Variants in FMN1 observed in about 807,000 individuals in gnomAD.
The protein encoded by FMN1 is formin 1.
A neutral mutation model predicts 132.4 loss-of-function variants in FMN1; 110 were observed. The ratio of observed to expected loss-of-function variants is 0.83; its 90% CI spans 0.71 to 0.97. The LOEUF is 0.97. Among genes scored for constraint, FMN1 ranks in the 50% least tolerant of loss-of-function variants. The pLI, the probability that FMN1 is intolerant of heterozygous loss-of-function variation, is 0.00. For missense variants in FMN1, 1,792 were observed against 1,705.3 expected (o/e 1.05, Z -0.90); for synonymous variants, 722 against 651.7 (o/e 1.11, Z -1.64).
At chr15:32,922,805 A>C (rs1324738997) in intron 10 of FMN1, among the ~76,000 whole-genome samples, 1 of 152,204 alleles carries the variant, frequency 6.6e-6, no homozygotes, top group African/African-American at 2.4e-5. Flanking sequence ...GTTTTCCAAG[A>C]ATCACGTACT....
At chr15:33,012,535 G>C in intron 6 of FMN1, 1 of 1,522,476 alleles carries the variant, frequency 6.6e-7, no homozygotes, top group Non-Finnish European at 9.0e-7. Flanking sequence ...GACTGACCGA[G>C]GCAGTGGCAA....
intron 4 of FMN1, chr15:33,151,344 G>T: frequency 6.5e-7 from 1 of 1,536,642 alleles, no homozygotes. Flanking sequence ...CTTATGACTG[G>T]TTCCTGAAAG....
At chr15:33,012,675 T>C in intron 6 of FMN1, 1 of 830,898 alleles carries the variant, frequency 1.2e-6, no homozygotes, top group South Asian at 1.3e-5. Context: ...AAGAGATGGC[T>C]AGTGCTTCAT....
At chr15:32,774,400 TC>T (rs748872997) in intron 20 of FMN1, 46 bp from the exon 21 acceptor site, 27 of 1,499,030 alleles carry the variant, frequency 1.8e-5, no homozygotes, top group Non-Finnish European at 2.2e-5. Context: ...TTCATCTTTC[TC>T]AAGTTTTGAT....
At chr15:33,131,157 A>G (rs951398129) in intron 4 of FMN1, among the ~76,000 whole-genome samples, 1 of 151,998 alleles carries the variant, frequency 6.6e-6, no homozygotes, top group Non-Finnish European at 1.5e-5. Context: ...ACAAAAAATT[A>G]CAAAAAATAC....
intron 15 of FMN1, among the ~76,000 whole-genome samples, chr15:32,894,626 G>C (rs951283498): frequency 2.6e-5 from 4 of 151,926 alleles, no homozygotes; most frequent in Non-Finnish European, 4.4e-5. Context: ...TACTTCTCAG[G>C]CTTCAAAGCC....
At chr15:32,933,651 G>A (rs947877053) in intron 9 of FMN1, among the ~76,000 whole-genome samples, 1 of 151,930 alleles carries the variant, frequency 6.6e-6, no homozygotes. Context: ...TTGTACGTTG[G>A]GTGCACATAT....
chr15:33,008,964 G>C (rs1360396067), intron 6 of FMN1, among the ~76,000 whole-genome samples: 3 of 152,158 alleles, frequency 2.0e-5, no homozygotes, highest in African/African-American at 7.2e-5. Flanking sequence ...GTGAAAGCCA[G>C]GCTATTTCTC....
intron 5 of FMN1, among the ~76,000 whole-genome samples, chr15:33,068,368 G>A (rs1206884501): frequency 6.6e-6 from 1 of 152,100 alleles, no homozygotes; most frequent in African/African-American, 2.4e-5. Flanking sequence ...TGATACTGAG[G>A]GCACTTAGCC....
chr15:33,044,650 C>T (rs1320810750), intron 6 of FMN1, among the ~76,000 whole-genome samples: 1 of 152,060 alleles, frequency 6.6e-6, no homozygotes, highest in Non-Finnish European at 1.5e-5. Flanking sequence ...TGACCAGCTG[C>T]AGAGAGGAGC....
chr15:32,933,107 G>A (rs537799525), intron 9 of FMN1, among the ~76,000 whole-genome samples: 2 of 152,106 alleles, frequency 1.3e-5, no homozygotes, highest in East Asian at 3.9e-4. Flanking sequence ...TTAAACATAG[G>A]TGTTCACCCT....
intron 16 of FMN1, among the ~76,000 whole-genome samples, chr15:32,870,146 T>C (rs546436354): frequency 1.3e-5 from 2 of 152,340 alleles, no homozygotes; most frequent in African/African-American, 4.8e-5. Context: ...ATGTTTTTGA[T>C]AGTTTCCTTT....
chr15:32,966,646 C>T (rs1035540764), intron 8 of FMN1, among the ~76,000 whole-genome samples: 3 of 152,130 alleles, frequency 2.0e-5, no homozygotes, highest in Admixed American at 1.3e-4. Context: ...AAAATCAGTT[C>T]ATACCAGGAG....
At position 32,926,233 on chromosome 15, in the gene FMN1, G is replaced by T; in HGVS notation, c.3167C>A (p.Ser1056Tyr). 6.5e-7 allele frequency: 1 copy of T among 1,531,362 alleles called. No homozygotes were observed. The highest frequency in any genetic ancestry group is 8.8e-7 in the Non-Finnish European group (1 of 1,134,740). 94.9% of individuals were successfully genotyped at this position (1,531,362 alleles called of 1,614,324 possible). A position where few individuals can be genotyped will look rare whatever the true frequency, so the allele number is the denominator to read the frequency against. ...AGATATCAAGATTCCCACAGTTTGAGATCGTTTTCCATCCAACAATTTGAT... is the reference window on the plus strand; with the variant it reads ...AGATATCAAGATTCCCACAGTTTGATATCGTTTTCCATCCAACAATTTGAT... Reference protein sequence around the residue: ...KIIKLLDGKRSQTVGILISSL... With the variant: ...KIIKLLDGKRYQTVGILISSL... The change falls in exon 10 of 21, where the codon TCT becomes TAT. Residue 1056 changes from serine (S) to tyrosine (Y), a missense_variant. Physicochemically the swap from Ser to Tyr is moderately radical, Grantham distance 144. Around this residue, in one of 3 missense-constraint regions of FMN1, gnomAD observed 1,150 missense variants for 1,043.1 expected, o/e 1.10. Transcript: ENST00000616417.
chr15:33,063,599 C>T (rs1301884754), intron 6 of FMN1: 4 of 152,036 alleles, frequency 2.6e-5, no homozygotes, highest in Non-Finnish European at 4.4e-5. Flanking sequence ...TTAGTACGAC[C>T]CTCATTGATA....
intron 7 of FMN1, among the ~76,000 whole-genome samples, chr15:33,002,952 A>G (rs2034200959): frequency 6.6e-6 from 1 of 152,214 alleles, no homozygotes; most frequent in Non-Finnish European, 1.5e-5. Flanking sequence ...AAACAGAACC[A>G]AAGACAAAAA....
chr15:33,075,444 C>G (rs529560136), intron 5 of FMN1, among the ~76,000 whole-genome samples: 1 of 152,156 alleles, frequency 6.6e-6, no homozygotes, highest in East Asian at 1.9e-4. Context: ...ATGCCCCAGC[C>G]GCAACCATGC....
chr15:32,908,384 T>G, intron 12 of FMN1, 106 bp downstream of exon 12: 1 of 721,020 alleles, frequency 1.4e-6, no homozygotes, highest in Non-Finnish European at 2.4e-6. Flanking sequence ...GGTGTTGTGA[T>G]TTAGCTGGCT....
chr15:32,788,810 G>A (rs1450742791), intron 19 of FMN1, among the ~76,000 whole-genome samples: 4 of 152,194 alleles, frequency 2.6e-5, no homozygotes, highest in Non-Finnish European at 4.4e-5. Flanking sequence ...GAATCCAAAG[G>A]ATCTCCACTT....
Sources: gnomAD v4.1 joint callset for allele counts (sites outside exome capture counted in the v4.1 genomes callset) on GRCh38, gnomAD v4.1.1 for gene constraint, gnomAD v4.1.1 regional missense constraint, MANE v1.5 for transcripts, NCBI Gene and HGNC (gene_info 2026-07-23, HGNC 2026-07-21) for gene names.